The following PRKCE variants were observed in gnomAD, a reference collection of about 807,000 sequenced individuals.
The protein encoded by PRKCE is protein kinase C epsilon.
PRKCE carries 16 observed loss-of-function variants against 85.4 expected under a neutral mutation model. The ratio of observed to expected loss-of-function variants is 0.19; its 90% CI spans 0.13 to 0.28. The LOEUF (loss-of-function observed/expected upper bound fraction) is 0.28, where lower values mean the gene tolerates loss of function less well. Among genes scored for constraint, PRKCE ranks in the 10% least tolerant of loss-of-function variants. PRKCE has a pLI of 1.00. For missense variants in PRKCE, 573 were observed against 975.2 expected (o/e 0.59, Z 5.49); for synonymous variants, 388 against 371.5 (o/e 1.04, Z -0.51).
intron 2 of PRKCE, among the ~76,000 whole-genome samples, chr2:45,903,903 G>GTTTT (rs1273680870): frequency 1.2e-5 from 1 of 82,054 alleles, no homozygotes; most frequent in Non-Finnish European, 3.0e-5. Flanking sequence ...TTGTTTGTTT[G>GTTTT]TTTGTTTGTT....
intron 1 of PRKCE, among the ~76,000 whole-genome samples, chr2:45,766,045 T>C (rs1477938188): frequency 6.6e-6 from 1 of 152,130 alleles, no homozygotes; most frequent in Non-Finnish European, 1.5e-5. Context: ...TTAAAACAAA[T>C]ACTGGAGATA....
At chr2:45,993,504 A>T (rs1703974210) in intron 6 of PRKCE, among the ~76,000 whole-genome samples, 1 of 152,022 alleles carries the variant, frequency 6.6e-6, no homozygotes, top group African/African-American at 2.4e-5. Flanking sequence ...AGTCCTCAAA[A>T]CCAAAACCAA....
chr2:45,738,150 A>T (rs1682247421), intron 1 of PRKCE, among the ~76,000 whole-genome samples: 1 of 152,166 alleles, frequency 6.6e-6, no homozygotes. Context: ...TTCATCCTGC[A>T]ACTATTACCA....
At chr2:45,974,226 C>T (rs1192529302) in intron 2 of PRKCE, among the ~76,000 whole-genome samples, 4 of 152,210 alleles carry the variant, frequency 2.6e-5, no homozygotes, top group Non-Finnish European at 2.9e-5. Flanking sequence ...GATGGCAGCA[C>T]CGAATGGTGA....
At chr2:45,904,330 C>T (rs1696810099) in intron 2 of PRKCE, among the ~76,000 whole-genome samples, 1 of 152,058 alleles carries the variant, frequency 6.6e-6, no homozygotes, top group Admixed American at 6.6e-5. Flanking sequence ...CTCCAAGTTC[C>T]CTGCCTGTGC....
chr2:45,980,727 A>G (rs1269198220), intron 5 of PRKCE, among the ~76,000 whole-genome samples: 1 of 143,710 alleles, frequency 7.0e-6, no homozygotes, highest in East Asian at 2.2e-4. Context: ...ATAAACAGTA[A>G]TAGAAACACA....
At chr2:45,771,199 A>G (rs1233464915) in intron 1 of PRKCE, among the ~76,000 whole-genome samples, 1 of 152,184 alleles carries the variant, frequency 6.6e-6, no homozygotes, top group East Asian at 1.9e-4. Flanking sequence ...CTTTGTTGGC[A>G]AAGATGGTGA....
At chr2:45,997,084 G>T (rs574224093) in intron 6 of PRKCE, among the ~76,000 whole-genome samples, 1 of 152,072 alleles carries the variant, frequency 6.6e-6, no homozygotes, top group Non-Finnish European at 1.5e-5. Context: ...TTTTGTGTGG[G>T]TTATCAAATG....
chr2:45,842,732 C>T (rs1453854196), intron 1 of PRKCE, among the ~76,000 whole-genome samples: 32 of 152,208 alleles, frequency 2.1e-4, no homozygotes, highest in Non-Finnish European at 1.5e-5. Flanking sequence ...TCTCTCCAAT[C>T]ATGGCAAAAC....
chr2:46,032,204 G>A (rs1707571068), intron 10 of PRKCE, among the ~76,000 whole-genome samples: 1 of 151,932 alleles, frequency 6.6e-6, no homozygotes, highest in Non-Finnish European at 1.5e-5. Context: ...TATCTTCATG[G>A]TGCTTTTGCG....
At chr2:46,030,025 C>T (rs199593600) in intron 10 of PRKCE, among the ~76,000 whole-genome samples, 333 of 152,178 alleles carry the variant, frequency 2.2e-3, no homozygotes, top group African/African-American at 7.8e-3. Context: ...TTCTGTAAAC[C>T]CATTAGAAAG....
At chr2:46,094,553 C>G (rs1299530160) in intron 11 of PRKCE, among the ~76,000 whole-genome samples, 1 of 151,126 alleles carries the variant, frequency 6.6e-6, no homozygotes, top group Non-Finnish European at 1.5e-5. Context: ...TGCATGTTCT[C>G]ACCTACAAGT....
intron 1 of PRKCE, among the ~76,000 whole-genome samples, chr2:45,841,143 A>C (rs1691314167): frequency 6.6e-6 from 1 of 152,232 alleles, no homozygotes; most frequent in Non-Finnish European, 1.5e-5. Context: ...TTACAACTTA[A>C]TAGGAGCTGT....
intron 11 of PRKCE, among the ~76,000 whole-genome samples, chr2:46,103,738 G>A (rs1671455839): frequency 6.6e-6 from 1 of 151,996 alleles, no homozygotes; most frequent in Non-Finnish European, 1.5e-5. Flanking sequence ...GTAAGCTAGA[G>A]AAAAGAAAAT....
At chr2:45,856,620 G>A (rs1437773336) in intron 2 of PRKCE, among the ~76,000 whole-genome samples, 5 of 152,192 alleles carry the variant, frequency 3.3e-5, no homozygotes, top group Admixed American at 3.3e-4. Context: ...CTGTAGTCAT[G>A]CTACTGTATA....
At chr2:45,833,578 G>A (rs963218770) in intron 1 of PRKCE, among the ~76,000 whole-genome samples, 1 of 152,240 alleles carries the variant, frequency 6.6e-6, no homozygotes, top group Non-Finnish European at 1.5e-5. Context: ...CAACTTGTAA[G>A]ATGAGGAAAT....
chr2:46,085,033 A>T (rs773439716), intron 10 of PRKCE, among the ~76,000 whole-genome samples: 1 of 151,760 alleles, frequency 6.6e-6, no homozygotes, highest in South Asian at 2.1e-4. Flanking sequence ...TCCATTTCCC[A>T]TCTCCACCCC....
At chr2:45,828,365 T>A (rs1475316354) in intron 1 of PRKCE, among the ~76,000 whole-genome samples, 4 of 152,164 alleles carry the variant, frequency 2.6e-5, no homozygotes, top group Non-Finnish European at 5.9e-5. Flanking sequence ...GCACCACTGC[T>A]CTCGAGTCTG....
chr2:45,899,364 CT>C (rs944834281), intron 2 of PRKCE, among the ~76,000 whole-genome samples: 3 of 151,228 alleles, frequency 2.0e-5, no homozygotes, highest in African/African-American at 7.3e-5. Flanking sequence ...CCTTCCAAGT[CT>C]TTTTAAAAAA....
Sources: gnomAD v4.1 joint callset for allele counts (sites outside exome capture counted in the v4.1 genomes callset) on GRCh38, gnomAD v4.1.1 for gene constraint, MANE v1.5 for transcripts, NCBI Gene and HGNC (gene_info 2026-07-23, HGNC 2026-07-21) for gene names.